Variants in GAK observed in about 807,000 individuals in gnomAD.
GAK encodes the protein cyclin-G-associated kinase.
Under a neutral mutation model 143.9 loss-of-function variants are expected in GAK, and 79 were observed. That is an observed-to-expected ratio of 0.55 (90% confidence interval 0.46 to 0.66). GAK has a LOEUF of 0.66. Ranked by LOEUF, GAK falls within the 30% of genes least tolerant of loss-of-function variation. GAK has a pLI of 0.00. For synonymous variants in GAK, 881 were observed against 765.5 expected (o/e 1.15, Z -2.49); for missense variants, 1,693 against 1,779.7 (o/e 0.95, Z 0.88).
rs767367737 is a variant in GAK at position 877,222 on chromosome 4, A to G, written c.1857-15T>C. On this transcript the variant is annotated splice_polypyrimidine_tract_variant and intron_variant, in intron 16 of 27. Coordinates refer to ENST00000314167, the MANE Select transcript of GAK (RefSeq NM_005255.4). Reference sequence around the variant, plus strand: ...TCTTAAAGTCCCTAAGGACAGAATGACAAGAGAAAAATTTTAAAAACCCCC... The same window carrying G: ...TCTTAAAGTCCCTAAGGACAGAATGGCAAGAGAAAAATTTTAAAAACCCCC... 4.4e-6 allele frequency: 7 copies of G among 1,582,066 alleles called. No individual in the cohort carries two copies. The Admixed American group carries it at 1.0e-4, about 23-fold the overall frequency.
chr4:877,211 A>C lies in GAK; in HGVS notation c.1857-4T>G. On this transcript the variant is annotated splice_polypyrimidine_tract_variant and splice_region_variant and intron_variant, in intron 16 of 27. Coordinates refer to ENST00000314167, the MANE Select transcript of GAK (RefSeq NM_005255.4). The stretch of plus-strand genomic sequence containing the variant: ...GCCATCTTCAATCTTAAAGTCCCTA[A>C]GGACAGAATGACAAGAGAAAAATTT... 1 of 1,601,380 alleles carries C rather than the reference A, an allele frequency of 6.2e-7. No homozygotes were observed. Among genetic ancestry groups the C allele is most frequent in the South Asian group, 1.1e-5 (1 of 90,786 alleles).
rs1160297624 is a variant in GAK at position 898,069 on chromosome 4, G to A, written c.615C>T (p.Ser205=). 6.2e-7 allele frequency: 1 copy of A among 1,614,004 alleles called. No homozygotes were observed. The highest frequency in any genetic ancestry group is 8.5e-7 in the Non-Finnish European group (1 of 1,180,012). Residue 205 remains serine (S), a synonymous_variant, in exon 6 of 28, where the codon AGC becomes AGT. Coordinates refer to ENST00000314167, the MANE Select transcript of GAK (RefSeq NM_005255.4). ...CCAGGGCTCGCCTCTGGGCGCTCCA[G>A]CTGTAGTCAGGGTAGTGCGAGATGG... ...ATTISHYPDY[S]WSAQRRALVE...
rs1353252735 is a variant in GAK, at chr4:889,669, G to A, written c.1082-699C>T. On this transcript the variant is annotated intron_variant, in intron 10 of 27. Coordinates refer to ENST00000314167, the MANE Select transcript of GAK (RefSeq NM_005255.4). ...GAGCTCCTCCCTGGGAAGCGGAGGT[G>A]AAGGACCCAGGTGAAACCTCCCACA... Among the ~76,000 whole-genome samples the A allele has an allele frequency of 2.6e-5, 4 of 152,216 alleles. No individual in the cohort carries two copies. The East Asian group carries it at 5.8e-4, about 22-fold the overall frequency.
chr4:900,711 C>G lies in GAK; in HGVS notation c.526-2553G>C, dbSNP rs977128860. Among the ~76,000 whole-genome samples the G allele has an allele frequency of 2.0e-5, 3 of 152,288 alleles. No individual in the cohort carries two copies. In the East Asian group the frequency reaches 5.8e-4, roughly 29 times the overall value. ...CCTCAGGCGCATGGGTTTCTGGAAA[C>G]CAGGGGTCTTGCTTGCAACCTTGAA... is the stretch of plus-strand genomic sequence containing the variant. On this transcript the variant is annotated intron_variant, in intron 5 of 27. Transcript: ENST00000314167.
rs758148254 is a variant in GAK, at chr4:888,902, G to T, written c.1150C>A (p.Arg384=). ...FLDILRGGTE[R]LFTNLKDTSS... is the part of the protein sequence containing the mutation. Reference sequence around the variant, plus strand: ...GTGTCCTTGAGGTTGGTGAAGAGCCGCTCTGTCCCACCCCGCAGAATGTCC... The same window carrying T: ...GTGTCCTTGAGGTTGGTGAAGAGCCTCTCTGTCCCACCCCGCAGAATGTCC... The change falls in exon 11 of 28, where the codon CGG becomes AGG. Residue 384 remains arginine, a synonymous_variant. Coordinates refer to ENST00000314167, the MANE Select transcript of GAK (RefSeq NM_005255.4). 1 of 1,611,940 alleles carries T rather than the reference G, an allele frequency of 6.2e-7. No homozygotes were observed. The highest frequency in any genetic ancestry group is 1.3e-5 in the African/African-American group (1 of 74,902).
chr4:904,763 A>T lies in GAK; in HGVS notation c.399T>A (p.Phe133Leu), dbSNP rs910151102. Residue 133 changes from phenylalanine (F) to leucine (L), a missense_variant, in exon 5 of 28, where the codon TTT becomes TTA. This residue lies in a region of GAK where 871 missense variants were observed against 991.0 expected (regional missense o/e 0.88). Coordinates refer to ENST00000314167, the MANE Select transcript of GAK (RefSeq NM_005255.4). Reference protein sequence around the residue: ...TELCKGQLVEFLKKMESRGPL... With the variant: ...TELCKGQLVELLKKMESRGPL... ...GGCCTCGAGATTCCATTTTCTTCAA[A>T]AATTCCACCAGCTGCCCTAAAAGAG... 2 of 1,613,974 alleles carry T rather than the reference A, an allele frequency of 1.2e-6. No individual in the cohort carries two copies. The highest frequency in any genetic ancestry group is 1.7e-6 in the Non-Finnish European group (2 of 1,179,966).
intron 23 of GAK, among the ~76,000 whole-genome samples, chr4:860,350 A>C (rs963140962): frequency 5.8e-4 from 88 of 151,002 alleles, no homozygotes; most frequent in Non-Finnish European, 1.2e-3. Flanking sequence ...TCTGTCTCAA[A>C]AAAAAAAAAA....
At chr4:912,064 T>G in intron 3 of GAK, 2 of 475,988 alleles carry the variant, frequency 4.2e-6, no homozygotes, top group East Asian at 6.1e-5. Flanking sequence ...ATCCCGCGCG[T>G]GGCAGGAGGA....
chr4:852,994 A>C (rs1220429834), intron 24 of GAK: 3 of 149,812 alleles, frequency 2.0e-5, no homozygotes, highest in Non-Finnish European at 4.4e-5. Context: ...TGAATGCTTC[A>C]CTACAGTTCT....
intron 4 of GAK, among the ~76,000 whole-genome samples, chr4:909,206 CAAGT>C (rs1721599530): frequency 1.3e-5 from 2 of 152,252 alleles, no homozygotes. Context: ...TGAAAACTGA[CAAGT>C]AACACCACGA....
chr4:913,138 A>G lies in GAK; in HGVS notation c.208-344T>C, dbSNP rs561284661. ...CACGACAACAGGCCCACTCATGCCC[A>G]CTCTCAAAGGCGGGGCCACCCTGGT... On this transcript the variant is annotated intron_variant, in intron 2 of 27. Transcript: ENST00000314167. 9.2e-5 allele frequency among the ~76,000 whole-genome samples: 14 copies of G among 152,292 alleles called. No individual in the cohort carries two copies. In the East Asian group the frequency reaches 2.7e-3, roughly 29 times the overall value.
chr4:883,180 G>C, intron 13 of GAK, 135 bp downstream of exon 13: 1 of 1,030,294 alleles, frequency 9.7e-7, no homozygotes, highest in South Asian at 1.6e-5. Context: ...CCTGTCCCAC[G>C]CTCTGCAGCC....
At chr4:870,367 G>A (rs1712285391) in intron 19 of GAK, among the ~76,000 whole-genome samples, 1 of 152,216 alleles carries the variant, frequency 6.6e-6, no homozygotes, top group South Asian at 2.1e-4. Context: ...GGCTCACAGT[G>A]AGAGTGGACG....
At chr4:890,450 A>T in intron 10 of GAK, 82 bp downstream of exon 10, 5 of 1,055,040 alleles carry the variant, frequency 4.7e-6, no homozygotes, top group Non-Finnish European at 6.9e-6. Flanking sequence ...GAAGGACCCC[A>T]GACTCCATCC....
chr4:912,002 C>A, intron 3 of GAK: 1 of 511,752 alleles, frequency 2.0e-6, no homozygotes, highest in Non-Finnish European at 3.8e-6. Context: ...AGGGCGGGGA[C>A]AAAGGCAGGC....
At chr4:869,386 A>AC (rs1348803610) in intron 19 of GAK, 1 of 120,388 alleles carries the variant, frequency 8.3e-6, no homozygotes, top group African/African-American at 3.2e-5. Context: ...CACGAATGCA[A>AC]AGCACACACA....
At position 905,354 on chromosome 4, in the gene GAK, C is replaced by T. The variant is rs140398318; in HGVS notation, c.383-575G>A. On this transcript the variant is annotated intron_variant, in intron 4 of 27. Coordinates refer to ENST00000314167, the MANE Select transcript of GAK (RefSeq NM_005255.4). ...CAAGAACCTGGACAACTTGCAGTCACGACTCTCTACGGTTAACATCATCAC... is the reference window on the plus strand; with the variant it reads ...CAAGAACCTGGACAACTTGCAGTCATGACTCTCTACGGTTAACATCATCAC... Among the ~76,000 whole-genome samples, 626 of 152,308 alleles carry T rather than the reference C, an allele frequency of 4.1e-3. 8 individuals are homozygous for T. The highest frequency in any genetic ancestry group is 0.014 in the African/African-American group (595 of 41,540).
intron 1 of GAK, among the ~76,000 whole-genome samples, chr4:918,347 T>C (rs1723381430): frequency 6.6e-6 from 1 of 152,258 alleles, no homozygotes; most frequent in Non-Finnish European, 1.5e-5. Flanking sequence ...CTCTCAGCAC[T>C]GTAAGCCAAC....
intron 10 of GAK, 83 bp downstream of exon 10, chr4:890,449 C>T: frequency 9.5e-7 from 1 of 1,053,464 alleles, no homozygotes; most frequent in Non-Finnish European, 1.4e-6. Context: ...AGAAGGACCC[C>T]AGACTCCATC....
Sources: gnomAD v4.1 joint callset for allele counts (sites outside exome capture counted in the v4.1 genomes callset) on GRCh38, gnomAD v4.1.1 for gene constraint, gnomAD v4.1.1 regional missense constraint, MANE v1.5 for transcripts, NCBI Gene and HGNC (gene_info 2026-07-23, HGNC 2026-07-21) for gene names.